Variants in CDH4 observed in about 807,000 individuals in gnomAD.
The protein encoded by CDH4 is cadherin 4.
A neutral mutation model predicts 86.0 loss-of-function variants in CDH4; 33 were observed. The ratio of observed to expected loss-of-function variants is 0.38; its 90% CI spans 0.29 to 0.51. CDH4 has a LOEUF of 0.51. Ranked by LOEUF, CDH4 falls within the 20% of genes least tolerant of loss-of-function variation. The pLI is 0.86. For synonymous variants in CDH4, 555 were observed against 549.4 expected, an observed-to-expected ratio of 1.01 and a Z score of -0.14; for missense variants, 1,114 against 1,307.4, an observed-to-expected ratio of 0.85 and a Z score of 2.28.
rs1044796068 is a variant in CDH4, at chr20:61,892,692, A to C, written c.1051-2218A>C. 3.9e-5 allele frequency among the ~76,000 whole-genome samples: 6 copies of C among 152,134 alleles called. 1 individual carries two copies. The South Asian group carries it at 6.2e-4, about 16-fold the overall frequency. On this transcript the variant is annotated intron_variant, in intron 7 of 15. Transcript: ENST00000614565. ...TTGCTGCATAATAAAAGATCCCAAAACTTAGCAGCCTAAAACAACCACCAT... is the reference window on the plus strand; with the variant it reads ...TTGCTGCATAATAAAAGATCCCAAACCTTAGCAGCCTAAAACAACCACCAT...
intron 2 of CDH4, among the ~76,000 whole-genome samples, chr20:61,471,108 A>T (rs1228570232): frequency 6.6e-6 from 1 of 151,928 alleles, no homozygotes; most frequent in African/African-American, 2.4e-5. Context: ...TTTAAGTAGG[A>T]TTGATATTAG....
chr20:61,397,100 G>A lies in CDH4; in HGVS notation c.169+142163G>A, dbSNP rs546657794. Among the ~76,000 whole-genome samples the A allele has an allele frequency of 4.2e-4, 64 of 152,218 alleles. No individual in the cohort carries two copies. The South Asian group carries it at 8.1e-3, about 19-fold the overall frequency. Reference sequence around the variant, plus strand: ...AATTTTTTGTATTTTTTGTAATACGGGGTTTTGCCGTGTTGCCCAGACTGG... The same window carrying A: ...AATTTTTTGTATTTTTTGTAATACGAGGTTTTGCCGTGTTGCCCAGACTGG... On this transcript the variant is annotated intron_variant, in intron 2 of 15. Transcript: ENST00000614565.
At chr20:61,707,706 C>T (rs957890569) in intron 2 of CDH4, among the ~76,000 whole-genome samples, 3 of 152,090 alleles carry the variant, frequency 2.0e-5, no homozygotes, top group South Asian at 2.1e-4. Context: ...GTAGGGGGGA[C>T]GGTTTTGAGA....
intron 2 of CDH4, among the ~76,000 whole-genome samples, chr20:61,378,234 G>A (rs542567120): frequency 1.8e-4 from 27 of 152,306 alleles, no homozygotes; most frequent in African/African-American, 5.3e-4. Context: ...CAGCCAGAGG[G>A]AGAAAGCAAA....
rs11481455 is a variant in CDH4 at position 61,937,249 on chromosome 20, G to GAAAAAAAAAAAAAAA, written c.*308_*322dup. 1 of 109,706 alleles carries GAAAAAAAAAAAAAAA rather than the reference G, an allele frequency of 9.1e-6. No homozygotes were observed. Among genetic ancestry groups the GAAAAAAAAAAAAAAA allele is most frequent in the Non-Finnish European group, 1.7e-5 (1 of 57,302 alleles). The allele number at this position is 109,706 out of a possible 1,614,324, so 6.8% of individuals were successfully genotyped here. ...AAAAAAAAAAAAAAGAAGAAAGAAA[G>GAAAAAAAAAAAAAAA]AAAAAAAAAAAAAAAAGAAAGTGCC... On this transcript the variant is annotated 3_prime_UTR_variant, in exon 16 of 16. Transcript: ENST00000614565.
intron 2 of CDH4, among the ~76,000 whole-genome samples, chr20:61,366,537 C>T (rs1245873695): frequency 6.6e-6 from 1 of 152,204 alleles, no homozygotes; most frequent in Admixed American, 6.5e-5. Context: ...TAACAGCAAG[C>T]CAGTCATTAG....
chr20:61,314,346 G>A (rs1023593210), intron 2 of CDH4, among the ~76,000 whole-genome samples: 7 of 152,270 alleles, frequency 4.6e-5, no homozygotes, highest in South Asian at 2.1e-4. Flanking sequence ...TAGATTCCAC[G>A]TAGAAGTGAG....
chr20:61,789,820 T>C lies in CDH4; in HGVS notation c.576+16638T>C, dbSNP rs190147510. On this transcript the variant is annotated intron_variant, in intron 4 of 15. Coordinates refer to ENST00000614565, the MANE Select transcript of CDH4 (RefSeq NM_001794.5). ...AAGTATGGTTGTCCTATGCGATCAA[T>C]TGGGGACAGCCCAGGCCTGAAGACT... Among the ~76,000 whole-genome samples, 277 of 152,288 alleles carry C rather than the reference T, an allele frequency of 1.8e-3. 1 individual carries two copies. The highest frequency in any genetic ancestry group is 2.2e-3 in the Non-Finnish European group (151 of 68,018).
At chr20:61,653,341 T>C (rs2087145490) in intron 2 of CDH4, among the ~76,000 whole-genome samples, 2 of 137,770 alleles carry the variant, frequency 1.5e-5, no homozygotes, top group South Asian at 4.6e-4. Flanking sequence ...TACCTCTTTC[T>C]ACACAGACAC....
At chr20:61,385,770 C>T (rs1477188660) in intron 2 of CDH4, among the ~76,000 whole-genome samples, 5 of 152,150 alleles carry the variant, frequency 3.3e-5, no homozygotes, top group African/African-American at 9.6e-5. Context: ...ATCTTCTCTT[C>T]GTGGGAGAAG....
At chr20:61,423,585 T>C (rs928345476) in intron 2 of CDH4, among the ~76,000 whole-genome samples, 4 of 152,148 alleles carry the variant, frequency 2.6e-5, no homozygotes, top group African/African-American at 9.7e-5. Context: ...GGATGGCGTT[T>C]TGAGAAATTG....
intron 2 of CDH4, among the ~76,000 whole-genome samples, chr20:61,378,993 G>A (rs74500596): frequency 0.017 from 2,626 of 152,172 alleles, 79 homozygotes; most frequent in African/African-American, 0.059. Context: ...TCCCTTCCTC[G>A]CTGTTTGACT....
intron 2 of CDH4, among the ~76,000 whole-genome samples, chr20:61,537,315 C>G (rs1402792350): frequency 6.6e-6 from 1 of 152,162 alleles, no homozygotes; most frequent in Admixed American, 6.5e-5. Context: ...CAATTTTTCT[C>G]TCCTCAGTAG....
In CDH4 at chr20:61,799,743, C is replaced by T. The variant is rs112869491; in HGVS notation, c.576+26561C>T. Among the ~76,000 whole-genome samples, 332 of 152,324 alleles carry T rather than the reference C, an allele frequency of 2.2e-3. 2 individuals carry two copies. Among genetic ancestry groups the T allele is most frequent in the African/African-American group, 7.4e-3 (307 of 41,570 alleles). On this transcript the variant is annotated intron_variant, in intron 4 of 15. Coordinates refer to ENST00000614565, the MANE Select transcript of CDH4 (RefSeq NM_001794.5). ...CTTCAAGCCCCTCCCAGGGTATCCC[C>T]GCTCCTGGGTGGGCAGGGCGTGGGC...
At chr20:61,293,475 G>A (rs115322916) in intron 2 of CDH4, among the ~76,000 whole-genome samples, 16 of 152,256 alleles carry the variant, frequency 1.1e-4, no homozygotes, top group Middle Eastern at 6.8e-3. Flanking sequence ...GGGGAAGGAA[G>A]GTCAGTCACT....
chr20:61,274,690 G>T (rs1444532558), intron 2 of CDH4, among the ~76,000 whole-genome samples: 3 of 147,226 alleles, frequency 2.0e-5, no homozygotes, highest in African/African-American at 7.6e-5. Flanking sequence ...GCAGTTTGGG[G>T]AAGTACCATG....
intron 2 of CDH4, among the ~76,000 whole-genome samples, chr20:61,710,557 G>C (rs2087878943): frequency 6.6e-6 from 1 of 152,220 alleles, no homozygotes; most frequent in South Asian, 2.1e-4. Flanking sequence ...TGATGAAAAG[G>C]GATTTCATCC....
At chr20:61,414,020 G>A (rs1028584281) in intron 2 of CDH4, among the ~76,000 whole-genome samples, 6 of 152,126 alleles carry the variant, frequency 3.9e-5, no homozygotes, top group African/African-American at 1.4e-4. Flanking sequence ...ACCTCCCAAG[G>A]TTGTGCCTCT....
At chr20:61,895,379 G>A (rs575453125) in intron 8 of CDH4, among the ~76,000 whole-genome samples, 53 of 152,374 alleles carry the variant, frequency 3.5e-4, no homozygotes, top group Admixed American at 9.8e-4. Flanking sequence ...TGTGGGACCC[G>A]CTTGGGGAAT....
Sources: allele counts gnomAD v4.1 joint callset (sites outside exome capture counted in the v4.1 genomes callset), GRCh38; gene constraint gnomAD v4.1.1; transcripts MANE v1.5; gene names NCBI Gene and HGNC (gene_info 2026-07-23, HGNC 2026-07-21).